Variants in DCP2 observed in about 807,000 individuals in gnomAD.
The protein encoded by DCP2 is decapping mRNA 2.
Under a neutral mutation model 56.1 loss-of-function variants are expected in DCP2, and 30 were observed. That is an observed-to-expected ratio of 0.53 (90% CI 0.40 to 0.73). The LOEUF is 0.73. Among genes scored for constraint, DCP2 ranks in the 30% least tolerant of loss-of-function variants. The pLI is 0.00. For synonymous variants in DCP2, 197 were observed against 163.3 expected, an observed-to-expected ratio of 1.21 and a Z score of -1.57; for missense variants, 533 against 502.7, an observed-to-expected ratio of 1.06 and a Z score of -0.58.
chr5:113,003,859 G>A lies in DCP2; in HGVS notation c.807-83G>A, dbSNP rs566825428. On this transcript the variant is annotated intron_variant, in intron 7 of 10. Coordinates refer to ENST00000389063, the MANE Select transcript of DCP2 (RefSeq NM_152624.6). ...TAGACAGTAAATAAGAAAATATGTA[G>A]TCTATAAATTTAACTATTAAGGTGT... The A allele has an allele frequency of 5.8e-5, 83 of 1,443,294 alleles. No homozygotes were observed. In the South Asian group the frequency reaches 9.8e-4, roughly 17 times the overall value. 89.4% of individuals were successfully genotyped at this position (1,443,294 alleles called of 1,614,324 possible). A position where few individuals can be genotyped will look rare whatever the true frequency, so the allele number is the denominator to read the frequency against.
At chr5:113,007,392 CTTTCTTTCT>C (rs1749488583) in intron 8 of DCP2, among the ~76,000 whole-genome samples, 2 of 146,020 alleles carry the variant, frequency 1.4e-5, no homozygotes, top group East Asian at 2.0e-4. Flanking sequence ...TTCTTTCTTT[CTTTCTTTCT>C]TTTTTTTTTT....
intron 10 of DCP2, among the ~76,000 whole-genome samples, chr5:113,012,341 G>A (rs1292299992): frequency 2.0e-5 from 3 of 152,178 alleles, no homozygotes; most frequent in Admixed American, 1.3e-4. Flanking sequence ...TTGGGCAACA[G>A]AATGAGACCA....
rs542687022 is a variant in DCP2, at chr5:113,004,329, A to C, written c.942+252A>C. The stretch of plus-strand genomic sequence containing the variant: ...ATGCTGCCAATGAAAGGTTCATTTA[A>C]AAATAAGTCATAAGGAAAATATTTT... On this transcript the variant is annotated intron_variant, in intron 8 of 10. Transcript: ENST00000389063. Among the ~76,000 whole-genome samples, 4 of 152,374 alleles carry C rather than the reference A, an allele frequency of 2.6e-5. No individual in the cohort carries two copies. The South Asian group carries it at 6.2e-4, about 24-fold the overall frequency.
At chr5:113,006,484 A>T (rs1749443279) in intron 8 of DCP2, among the ~76,000 whole-genome samples, 1 of 152,240 alleles carries the variant, frequency 6.6e-6, no homozygotes, top group African/African-American at 2.4e-5. Context: ...ATGAAACTAA[A>T]TTAAAACTGC....
Position 113,021,674 on chromosome 5 carries a change from A to G in DCP2, c.*8190A>G, listed in dbSNP as rs1331068179. 6.7e-6 allele frequency among the ~76,000 whole-genome samples: 1 copy of G among 149,950 alleles called. No individual in the cohort carries two copies. The highest frequency in any genetic ancestry group is 1.5e-5 in the Non-Finnish European group (1 of 67,464). Reference sequence around the variant, plus strand: ...ACTTTTATTTTAAATTCTCAAAAGGAGAGTGACTAAGGTGTTATACTTACT... The same window carrying G: ...ACTTTTATTTTAAATTCTCAAAAGGGGAGTGACTAAGGTGTTATACTTACT... On this transcript the variant is annotated 3_prime_UTR_variant, in exon 11 of 11. Transcript: ENST00000389063.
rs1001721644 is a variant in DCP2, at chr5:113,019,249, A to G, written c.*5765A>G. On this transcript the variant is annotated 3_prime_UTR_variant, in exon 11 of 11. Coordinates refer to ENST00000389063, the MANE Select transcript of DCP2 (RefSeq NM_152624.6). ...ACTATGGATGGCAGCAAATGAAAGT[A>G]AAGGTTCTCAACTGTGAATGAAATT... The G allele has an allele frequency of 2.6e-5, 4 of 152,234 alleles. No individual in the cohort carries two copies. The highest frequency in any genetic ancestry group is 2.6e-4 in the Admixed American group (4 of 15,284). The allele number at this position is 152,234 out of a possible 1,614,324, so 9.4% of individuals were successfully genotyped here.
Position 113,021,454 on chromosome 5 carries a change from C to CAA in DCP2, c.*7972_*7973dup, listed in dbSNP as rs530150891. On this transcript the variant is annotated 3_prime_UTR_variant, in exon 11 of 11. Coordinates refer to ENST00000389063, the MANE Select transcript of DCP2 (RefSeq NM_152624.6). ...AGTCTCTGCAAAAATGAAAATACCT[C>CAA]AAACAATTAAGTTTGTTGCTTTAAA... Among the ~76,000 whole-genome samples the CAA allele has an allele frequency of 3.8e-3, 564 of 150,062 alleles. 6 individuals carry two copies. The highest frequency in any genetic ancestry group is 0.012 in the African/African-American group (494 of 40,744).
intron 8 of DCP2, 99 bp downstream of exon 8, chr5:113,004,176 T>A (rs1024808237): frequency 7.4e-7 from 1 of 1,349,038 alleles, no homozygotes; most frequent in African/African-American, 1.5e-5. Flanking sequence ...TACAGAGAGC[T>A]CTGAGTTACT....
At chr5:113,001,055 A>C (rs751733987) in intron 4 of DCP2, 29 bp from the exon 5 acceptor site, 4 of 1,564,668 alleles carry the variant, frequency 2.6e-6, no homozygotes, top group Non-Finnish European at 3.5e-6. Flanking sequence ...AACTAAAATG[A>C]AAATTTCATC....
intron 8 of DCP2, 119 bp from the exon 9 acceptor site, chr5:113,007,819 G>C (rs1013425759): frequency 1.4e-6 from 1 of 739,914 alleles, no homozygotes; most frequent in Non-Finnish European, 2.2e-6. Context: ...ATGAAAATTT[G>C]GGTAGGAGAA....
chr5:112,987,567 C>G (rs959333879), intron 2 of DCP2, among the ~76,000 whole-genome samples: 2 of 151,180 alleles, frequency 1.3e-5, no homozygotes, highest in Non-Finnish European at 2.9e-5. Context: ...ATTTTCATGC[C>G]TCAGCCTCCT....
In DCP2 at chr5:113,018,641, T is replaced by G. The variant is rs1749988112; in HGVS notation, c.*5157T>G. The G allele has an allele frequency of 6.6e-6, 1 of 152,254 alleles. No individual in the cohort carries two copies. Among genetic ancestry groups the G allele is most frequent in the Non-Finnish European group, 1.5e-5 (1 of 68,070 alleles). The allele number at this position is 152,254 out of a possible 1,614,324, so 9.4% of individuals were successfully genotyped here. On this transcript the variant is annotated 3_prime_UTR_variant, in exon 11 of 11. Transcript: ENST00000389063. ...TGTTTTCTGCTTTTTGGTGGAAGGTTTCCTGCAGGTGGTTGGGTGGTTTTT... is the reference window on the plus strand; with the variant it reads ...TGTTTTCTGCTTTTTGGTGGAAGGTGTCCTGCAGGTGGTTGGGTGGTTTTT...
At chr5:112,996,819 A>G (rs1247696574) in intron 4 of DCP2, among the ~76,000 whole-genome samples, 2 of 152,232 alleles carry the variant, frequency 1.3e-5, no homozygotes, top group Non-Finnish European at 2.9e-5. Context: ...AGTGAAATAG[A>G]TTTAGGACTG....
chr5:113,014,875 C>T lies in DCP2; in HGVS notation c.*1391C>T, dbSNP rs1480824403. 1 of 152,550 alleles carries T rather than the reference C, an allele frequency of 6.6e-6. No individual in the cohort carries two copies. The highest frequency in any genetic ancestry group is 1.5e-5 in the Non-Finnish European group (1 of 68,026). 9.4% of individuals were successfully genotyped at this position (152,550 alleles called of 1,614,324 possible). The stretch of plus-strand genomic sequence containing the variant: ...GAAATCTTTATTCTGTGTAGGTAGC[C>T]TATTTAATTGGGTTCCACTGAACCT... On this transcript the variant is annotated 3_prime_UTR_variant, in exon 11 of 11. Coordinates refer to ENST00000389063, the MANE Select transcript of DCP2 (RefSeq NM_152624.6).
rs1747736937 is a variant in DCP2, at chr5:112,977,001, G to C, written c.53+15G>C. The C allele has an allele frequency of 6.6e-7, 1 of 1,520,572 alleles. No individual in the cohort carries two copies. The highest frequency in any genetic ancestry group is 2.5e-5 in the East Asian group (1 of 40,278). The allele number at this position is 1,520,572 out of a possible 1,614,324, so 94.2% of individuals were successfully genotyped here. A position where few individuals can be genotyped will look rare whatever the true frequency, so the allele number is the denominator to read the frequency against. Reference sequence around the variant, plus strand: ...GATCTCTGCAGGTACCGCGCTACCCGACCCCCTTTCGCCCCCGTCGGGTTT... The same window carrying C: ...GATCTCTGCAGGTACCGCGCTACCCCACCCCCTTTCGCCCCCGTCGGGTTT... On this transcript the variant is annotated intron_variant, in intron 1 of 10. Transcript: ENST00000389063.
chr5:113,004,166 TAC>T lies in DCP2; in HGVS notation c.942+91_942+92del. 2.8e-6 allele frequency: 4 copies of T among 1,434,668 alleles called. No homozygotes were observed. In the South Asian group the frequency reaches 4.1e-5, roughly 15 times the overall value. 88.9% of individuals were successfully genotyped at this position (1,434,668 alleles called of 1,614,324 possible). A position where few individuals can be genotyped will look rare whatever the true frequency, so the allele number is the denominator to read the frequency against. On this transcript the variant is annotated intron_variant, in intron 8 of 10. Coordinates refer to ENST00000389063, the MANE Select transcript of DCP2 (RefSeq NM_152624.6). ...AATTGGAGAATTACATCTTAATAGT[TAC>T]AGAGAGCTCTGAGTTACTGATCAAA... is the stretch of plus-strand genomic sequence containing the variant.
chr5:113,019,552 C>G lies in DCP2; in HGVS notation c.*6068C>G, dbSNP rs1334949010. The G allele has an allele frequency of 6.6e-6, 1 of 152,140 alleles. No individual in the cohort carries two copies. The highest frequency in any genetic ancestry group is 1.5e-5 in the Non-Finnish European group (1 of 68,014). The allele number at this position is 152,140 out of a possible 1,614,324, so 9.4% of individuals were successfully genotyped here. Reference sequence around the variant, plus strand: ...GAAATGAGTCTTAAAGTTCTTTGGTCATATTTCACTTTAGAGTTAGGACAG... The same window carrying G: ...GAAATGAGTCTTAAAGTTCTTTGGTGATATTTCACTTTAGAGTTAGGACAG... On this transcript the variant is annotated 3_prime_UTR_variant, in exon 11 of 11. Transcript: ENST00000389063.
At chr5:113,011,891 G>T (rs1749693330) in intron 10 of DCP2, among the ~76,000 whole-genome samples, 1 of 152,100 alleles carries the variant, frequency 6.6e-6, no homozygotes, top group South Asian at 2.1e-4. Flanking sequence ...TTTATGTCTG[G>T]TATATGATAA....
chr5:113,015,374 TTTTTAAGTGCATAC>T lies in DCP2; in HGVS notation c.*1894_*1907del, dbSNP rs1749844447. 1 of 152,284 alleles carries T rather than the reference TTTTTAAGTGCATAC, an allele frequency of 6.6e-6. No homozygotes were observed. Among genetic ancestry groups the T allele is most frequent in the Non-Finnish European group, 1.5e-5 (1 of 67,978 alleles). The allele number at this position is 152,284 out of a possible 1,614,324, so 9.4% of individuals were successfully genotyped here. On this transcript the variant is annotated 3_prime_UTR_variant, in exon 11 of 11. Transcript: ENST00000389063. ...TTTTTGGTATGTGTTTTTTTTTTTC[TTTTTAAGTGCATAC>T]TTTGGCCAGTCTTCCTGGTGCCTGT...
Sources: gnomAD v4.1 joint callset for allele counts (sites outside exome capture counted in the v4.1 genomes callset) on GRCh38, gnomAD v4.1.1 for gene constraint, MANE v1.5 for transcripts, NCBI Gene and HGNC (gene_info 2026-07-23, HGNC 2026-07-21) for gene names.